Variants in NKTR observed in about 807,000 individuals in gnomAD.
The protein encoded by NKTR is NK-tumor recognition protein.
NKTR carries 67 observed loss-of-function variants against 156.3 expected under a neutral mutation model. That is an observed-to-expected ratio of 0.43 (90% confidence interval 0.35 to 0.53). The LOEUF (loss-of-function observed/expected upper bound fraction) is 0.53. Among genes scored for constraint, NKTR ranks in the 20% least tolerant of loss-of-function variants. The pLI is 0.01. For synonymous variants in NKTR, 640 were observed against 596.6 expected (o/e 1.07, Z -1.06); for missense variants, 1,604 against 1,730.9 (o/e 0.93, Z 1.30).
chr3:42,618,673 C>T (rs1233720951), intron 3 of NKTR, among the ~76,000 whole-genome samples: 1 of 152,056 alleles, frequency 6.6e-6, no homozygotes, highest in Non-Finnish European at 1.5e-5. Flanking sequence ...ATTTCAAACT[C>T]CTGACCTCAA....
Position 42,639,596 on chromosome 3 carries a change from A to G in NKTR, c.3892A>G (p.Ser1298Gly). 1 of 1,614,242 alleles carries G rather than the reference A, an allele frequency of 6.2e-7. No homozygotes were observed. The highest frequency in any genetic ancestry group is 8.5e-7 in the Non-Finnish European group (1 of 1,180,042). ...NRRPRNQESS[S>G]DEQTPSRDDD... ...TAGACCAAGAAATCAGGAGAGTTCA[A>G]GTGATGAGCAGACGCCTAGTCGGGA... Residue 1298 changes from serine (S) to glycine (G), a missense_variant, in exon 13 of 17, where the codon AGT becomes GGT. Physicochemically the swap from Ser to Gly is moderately conservative, Grantham distance 56. This residue lies in a region of NKTR where 193 missense variants were observed against 220.2 expected (regional missense o/e 0.88). Coordinates refer to ENST00000232978, the MANE Select transcript of NKTR (RefSeq NM_005385.4).
chr3:42,616,265 G>C (rs1707359264), intron 2 of NKTR, among the ~76,000 whole-genome samples: 1 of 152,146 alleles, frequency 6.6e-6, no homozygotes, highest in South Asian at 2.1e-4. Flanking sequence ...GTTTACAATG[G>C]AAAAGATCTT....
chr3:42,621,225 C>T (rs780711640), intron 5 of NKTR: 37 of 1,223,576 alleles, frequency 3.0e-5, no homozygotes, highest in Admixed American at 4.4e-5. Flanking sequence ...ATGTTCTTTT[C>T]CTCAAGGCTT....
rs954993939 is a variant in NKTR at position 42,600,737 on chromosome 3, T to C, written c.-65T>C. 3.1e-6 allele frequency: 1 copy of C among 322,696 alleles called. No individual in the cohort carries two copies. The highest frequency in any genetic ancestry group is 5.7e-6 in the Non-Finnish European group (1 of 176,148). 20.0% of individuals were successfully genotyped at this position (322,696 alleles called of 1,614,324 possible). A position where few individuals can be genotyped will look rare whatever the true frequency, so the allele number is the denominator to read the frequency against. On this transcript the variant is annotated 5_prime_UTR_variant, in exon 1 of 17. Transcript: ENST00000232978. The stretch of plus-strand genomic sequence containing the variant: ...GTTTGGCTGCAGTGGCAGTGCTTTC[T>C]CTTCTGCTCACGGGGACCCGCTCAG...
chr3:42,630,103 G>T (rs1708753705), intron 6 of NKTR: 7 of 988,212 alleles, frequency 7.1e-6, no homozygotes, highest in Non-Finnish European at 7.2e-6. Flanking sequence ...ACATTTAAGT[G>T]TTTGGGGCAA....
At chr3:42,600,875 G>GC in intron 1 of NKTR, 97 bp downstream of exon 1, 1 of 641,380 alleles carries the variant, frequency 1.6e-6, no homozygotes, top group South Asian at 2.9e-5. Context: ...GTCGCGACGG[G>GC]CCGGCGTGAG....
chr3:42,600,949 C>G, intron 1 of NKTR, 35 bp from the exon 2 acceptor site: 1 of 1,430,898 alleles, frequency 7.0e-7, no homozygotes, highest in Non-Finnish European at 9.4e-7. Context: ...CGCCCTCGCC[C>G]CTGCCCTGAC....
intron 6 of NKTR, among the ~76,000 whole-genome samples, chr3:42,624,594 T>C (rs1182881741): frequency 6.6e-6 from 1 of 152,122 alleles, no homozygotes; most frequent in Non-Finnish European, 1.5e-5. Flanking sequence ...GTCCAGGTTA[T>C]AGAAATTTTA....
chr3:42,608,977 A>G (rs529762564), intron 2 of NKTR, among the ~76,000 whole-genome samples: 82 of 152,204 alleles, frequency 5.4e-4, no homozygotes, highest in African/African-American at 1.9e-3. Flanking sequence ...GAAGTACAAA[A>G]ATTAGCCGGG....
chr3:42,609,155 A>C lies in NKTR; in HGVS notation c.58+8091A>C, dbSNP rs552419446. 3.1e-4 allele frequency among the ~76,000 whole-genome samples: 47 copies of C among 152,050 alleles called. 1 individual carries two copies. In the South Asian group the frequency reaches 9.3e-3, roughly 30 times the overall value. On this transcript the variant is annotated intron_variant, in intron 2 of 16. Coordinates refer to ENST00000232978, the MANE Select transcript of NKTR (RefSeq NM_005385.4). The stretch of plus-strand genomic sequence containing the variant: ...AAAAAAAAAAAAGAAGAAAGATCAA[A>C]TAGAACAAAAGATGCTCCTATCAGT...
At chr3:42,628,079 T>C in intron 6 of NKTR, 4 of 985,442 alleles carry the variant, frequency 4.1e-6, no homozygotes, top group Non-Finnish European at 4.8e-6. Flanking sequence ...GGATTTCTAC[T>C]CCTGGAATGT....
At chr3:42,625,390 A>C (rs1708280600) in intron 6 of NKTR, among the ~76,000 whole-genome samples, 1 of 151,682 alleles carries the variant, frequency 6.6e-6, no homozygotes, top group Admixed American at 6.6e-5. Flanking sequence ...TAAACAAAAC[A>C]TGTTTGCTAC....
chr3:42,623,606 T>G (rs1445132088), intron 6 of NKTR, among the ~76,000 whole-genome samples: 2 of 152,076 alleles, frequency 1.3e-5, no homozygotes, highest in African/African-American at 2.4e-5. Flanking sequence ...TAAAAATCTT[T>G]GAAACTATGT....
At chr3:42,602,297 A>G (rs1240423074) in intron 2 of NKTR, 1 of 152,200 alleles carries the variant, frequency 6.6e-6, no homozygotes, top group Non-Finnish European at 1.5e-5. Context: ...GAGCAAATAG[A>G]CTATATAGCT....
At chr3:42,633,009 T>C (rs1404906528) in intron 9 of NKTR, 186 bp downstream of exon 9, 1 of 1,282,350 alleles carries the variant, frequency 7.8e-7, no homozygotes, top group Non-Finnish European at 9.9e-7. Flanking sequence ...CAAAGATTTG[T>C]GTGTTTTCAG....
rs28549046 is a variant in NKTR at position 42,605,853 on chromosome 3, A to G, written c.58+4789A>G. ...AGGACTCCAGTGTAATAGTGCTTAC[A>G]TAACAAGATTGTTGAGAAGAGTAAT... On this transcript the variant is annotated intron_variant, in intron 2 of 16. Transcript: ENST00000232978. Among the ~76,000 whole-genome samples the G allele has an allele frequency of 6.3e-3, 958 of 152,368 alleles. 8 individuals are homozygous for G. The highest frequency in any genetic ancestry group is 0.022 in the African/African-American group (911 of 41,582).
Position 42,637,644 on chromosome 3 carries a change from A to T in NKTR, c.1940A>T (p.Gln647Leu). Residue 647 changes from glutamine (Q) to leucine (L), a missense_variant, in exon 13 of 17, where the codon CAA becomes CTA. Gln to Leu is a moderately radical substitution (Grantham distance 113). Around this residue, in one of 6 missense-constraint regions of NKTR, gnomAD observed 1,255 missense variants for 1,243.7 expected, o/e 1.01. Transcript: ENST00000232978. ...KAKTTHLLPIQSTYSLANIKE... is the reference protein window; with the variant it reads ...KAKTTHLLPILSTYSLANIKE... The stretch of plus-strand genomic sequence containing the variant: ...AAAACAACCCATTTGCTACCCATCC[A>T]AAGCACTTACAGTTTAGCAAATATT... The T allele has an allele frequency of 6.2e-7, 1 of 1,612,250 alleles. No homozygotes were observed. Among genetic ancestry groups the T allele is most frequent in the Non-Finnish European group, 8.5e-7 (1 of 1,179,576 alleles).
In NKTR at chr3:42,638,078, T is replaced by C. The variant is rs1397585800; in HGVS notation, c.2374T>C (p.Ser792Pro). The C allele has an allele frequency of 6.8e-6, 11 of 1,613,958 alleles. No homozygotes were observed. Among genetic ancestry groups the C allele is most frequent in the Non-Finnish European group, 8.5e-6 (10 of 1,180,004 alleles). The stretch of plus-strand genomic sequence containing the variant: ...TAAATATGTCAAAGGTAGAGACAGG[T>C]CTTCATGTGTGAGAAAGTATAGCGA... ...HSKYVKGRDR[S>P]SCVRKYSESR... The change falls in exon 13 of 17, where the codon TCT becomes CCT. Residue 792 changes from serine (S) to proline (P), a missense_variant. Ser to Pro is a moderately conservative substitution (Grantham distance 74). This residue lies in a region of NKTR where 1,255 missense variants were observed against 1,243.7 expected (regional missense o/e 1.01). Transcript: ENST00000232978.
In NKTR at chr3:42,645,868, ATTTTG is replaced by A. The variant is rs758233623; in HGVS notation, c.4302-12_4302-8del. ...TTTTACAGTTACAAGATTTTTATAT[ATTTTG>A]TTTTGTTATTACAGGAGTTGTAGAT... is the stretch of plus-strand genomic sequence containing the variant. On this transcript the variant is annotated splice_polypyrimidine_tract_variant and intron_variant, in intron 16 of 16. Coordinates refer to ENST00000232978, the MANE Select transcript of NKTR (RefSeq NM_005385.4). 168 of 1,547,884 alleles carry A rather than the reference ATTTTG, an allele frequency of 1.1e-4. 2 individuals are homozygous for A. The South Asian group carries it at 1.7e-3, about 16-fold the overall frequency.
Sources: gnomAD v4.1 joint callset for allele counts (sites outside exome capture counted in the v4.1 genomes callset) on GRCh38, gnomAD v4.1.1 for gene constraint, gnomAD v4.1.1 regional missense constraint, MANE v1.5 for transcripts, NCBI Gene and HGNC (gene_info 2026-07-23, HGNC 2026-07-21) for gene names.